The following RAB27B variants were observed in gnomAD, a reference collection of about 807,000 sequenced individuals.
RAB27B encodes ras-related protein Rab-27B.
RAB27B carries 15 observed loss-of-function variants against 24.6 expected under a neutral mutation model. That is an observed-to-expected ratio of 0.61 (90% CI 0.41 to 0.94). RAB27B has a LOEUF of 0.94. Among genes scored for constraint, RAB27B ranks in the 40% least tolerant of loss-of-function variants. The pLI is 0.00. For synonymous variants in RAB27B, 105 were observed against 92.5 expected, an observed-to-expected ratio of 1.14 and a Z score of -0.78; for missense variants, 261 against 266.8, an observed-to-expected ratio of 0.98 and a Z score of 0.15.
chr18:54,731,098 C>A (rs752869003), intron 2 of RAB27B, among the ~76,000 whole-genome samples: 89 of 152,092 alleles, frequency 5.9e-4, no homozygotes, highest in Non-Finnish European at 9.7e-4. Context: ...AAATGTCTAA[C>A]AAGCAGATAT....
intron 2 of RAB27B, among the ~76,000 whole-genome samples, chr18:54,736,252 C>T (rs76642073): frequency 0.017 from 2,632 of 152,176 alleles, 66 homozygotes; most frequent in African/African-American, 0.058. Flanking sequence ...TATGATGAAA[C>T]GGAATTGCTG....
intron 2 of RAB27B, 109 bp from the exon 3 acceptor site, chr18:54,879,260 T>C: frequency 3.7e-6 from 3 of 812,296 alleles, no homozygotes; most frequent in Non-Finnish European, 6.5e-6. Context: ...TTCTGCACTA[T>C]GAACTTTGAT....
chr18:54,750,050 A>G (rs949139545), intron 2 of RAB27B, among the ~76,000 whole-genome samples: 2 of 152,190 alleles, frequency 1.3e-5, no homozygotes, highest in Admixed American at 1.3e-4. Flanking sequence ...ACAATTCTGT[A>G]CTTGAACTAA....
In RAB27B at chr18:54,722,971, AT is replaced by A. The variant is rs1225930290; in HGVS notation, c.-20+4839del. On this transcript the variant is annotated intron_variant, in intron 2 of 4. Transcript: ENST00000586570. ...AAGTCAAAACAGAAAACTAAACTAA[AT>A]TTTTTTTTAAATGGAAAAGTCTGGC... Among the ~76,000 whole-genome samples the A allele has an allele frequency of 5.3e-5, 8 of 151,972 alleles. No individual in the cohort carries two copies. In the East Asian group the frequency reaches 5.8e-4, roughly 11 times the overall value.
intron 2 of RAB27B, among the ~76,000 whole-genome samples, chr18:54,740,722 A>G (rs1314891205): frequency 6.6e-6 from 1 of 152,226 alleles, no homozygotes; most frequent in South Asian, 2.1e-4. Context: ...GTTCTGAGCC[A>G]CAGCTTCCTT....
intron 2 of RAB27B, among the ~76,000 whole-genome samples, chr18:54,743,914 A>G (rs1008440739): frequency 2.0e-5 from 3 of 152,196 alleles, no homozygotes; most frequent in African/African-American, 4.8e-5. Flanking sequence ...AGAAGCACAG[A>G]CCAGTTACAG....
At chr18:54,762,861 G>A (rs1437492719) in intron 2 of RAB27B, among the ~76,000 whole-genome samples, 1 of 152,110 alleles carries the variant, frequency 6.6e-6, no homozygotes, top group East Asian at 1.9e-4. Context: ...AGGCTCTGTG[G>A]CCAGGGATTT....
At chr18:54,842,586 A>G (rs940568870) in intron 1 of RAB27B, among the ~76,000 whole-genome samples, 3 of 152,240 alleles carry the variant, frequency 2.0e-5, no homozygotes, top group Non-Finnish European at 4.4e-5. Context: ...GGATAGGTAG[A>G]AATCTTTTTC....
intron 2 of RAB27B, among the ~76,000 whole-genome samples, chr18:54,787,049 A>C (rs371655813): frequency 6.6e-6 from 1 of 152,214 alleles, no homozygotes; most frequent in African/African-American, 2.4e-5. Context: ...GACACAGTGG[A>C]TATTCTGAAT....
chr18:54,778,115 C>G (rs886803582), intron 2 of RAB27B, among the ~76,000 whole-genome samples: 1 of 152,172 alleles, frequency 6.6e-6, no homozygotes, highest in East Asian at 1.9e-4. Context: ...TGGCAATTTC[C>G]TTCTTACCAA....
chr18:54,739,708 T>G (rs1910016604), intron 2 of RAB27B, among the ~76,000 whole-genome samples: 1 of 152,130 alleles, frequency 6.6e-6, no homozygotes. Flanking sequence ...CTGCCAAATT[T>G]TATTCCAAAG....
At chr18:54,763,597 G>T (rs1025518865) in intron 2 of RAB27B, among the ~76,000 whole-genome samples, 1 of 152,180 alleles carries the variant, frequency 6.6e-6, no homozygotes, top group Non-Finnish European at 1.5e-5. Flanking sequence ...GGAAATACAG[G>T]CTGAAATATT....
At chr18:54,719,587 G>A (rs1056530609) in intron 2 of RAB27B, among the ~76,000 whole-genome samples, 2 of 152,020 alleles carry the variant, frequency 1.3e-5, no homozygotes, top group Non-Finnish European at 2.9e-5. Context: ...TTTCTAGATA[G>A]TGATTTGCTT....
intron 2 of RAB27B, among the ~76,000 whole-genome samples, chr18:54,795,727 T>A (rs1971040): frequency 6.6e-6 from 1 of 151,992 alleles, no homozygotes; most frequent in South Asian, 2.1e-4. Flanking sequence ...TCAATTTCTA[T>A]GTATATCCTA....
intron 2 of RAB27B, among the ~76,000 whole-genome samples, chr18:54,801,698 C>G (rs1909617093): frequency 6.6e-6 from 1 of 152,192 alleles, no homozygotes; most frequent in Admixed American, 6.5e-5. Context: ...AACACACACT[C>G]TACCACCCAG....
At chr18:54,849,165 A>G (rs1660559524) in intron 1 of RAB27B, among the ~76,000 whole-genome samples, 1 of 152,164 alleles carries the variant, frequency 6.6e-6, no homozygotes, top group Admixed American at 6.5e-5. Context: ...CTGAACCTCC[A>G]TGGGCCCAGC....
chr18:54,873,532 T>G (rs1289667415), intron 1 of RAB27B, among the ~76,000 whole-genome samples: 1 of 152,050 alleles, frequency 6.6e-6, no homozygotes, highest in Admixed American at 6.5e-5. Context: ...CCCACATCAT[T>G]TTTTTTAGCC....
intron 1 of RAB27B, among the ~76,000 whole-genome samples, chr18:54,843,577 T>C (rs1475626492): frequency 1.3e-5 from 2 of 152,318 alleles, no homozygotes; most frequent in Non-Finnish European, 2.9e-5. Context: ...TCAATCAAAA[T>C]AAACCACACT....
At chr18:54,776,428 G>A (rs896016691) in intron 2 of RAB27B, among the ~76,000 whole-genome samples, 19 of 152,210 alleles carry the variant, frequency 1.2e-4, no homozygotes, top group Admixed American at 6.5e-5. Flanking sequence ...CCAACTGGCT[G>A]GGGGTTTCCT....
Sources: gnomAD v4.1 joint callset for allele counts (sites outside exome capture counted in the v4.1 genomes callset) on GRCh38, gnomAD v4.1.1 for gene constraint, MANE v1.5 for transcripts, NCBI Gene and HGNC (gene_info 2026-07-23, HGNC 2026-07-21) for gene names.